The following AFAP1L2 variants were observed in gnomAD, a reference collection of about 807,000 sequenced individuals.
The protein encoded by AFAP1L2 is actin filament-associated protein 1-like 2.
Under a neutral mutation model 99.3 loss-of-function variants are expected in AFAP1L2, and 46 were observed. That is an observed-to-expected ratio of 0.46 (90% CI 0.37 to 0.59). The LOEUF is 0.59. AFAP1L2 is among the 20% of genes least tolerant of loss of function. AFAP1L2 has a pLI of 0.00. For missense variants in AFAP1L2, 959 were observed against 1,034.9 expected (o/e 0.93, Z 1.01); for synonymous variants, 397 against 419.1 (o/e 0.95, Z 0.64).
intron 4 of AFAP1L2, among the ~76,000 whole-genome samples, chr10:114,326,240 T>C (rs550243618): frequency 3.3e-5 from 5 of 152,056 alleles, no homozygotes; most frequent in Non-Finnish European, 7.4e-5. Context: ...GTGTGCAAAA[T>C]GTATCAAGCC....
intron 1 of AFAP1L2, among the ~76,000 whole-genome samples, chr10:114,387,498 C>T (rs2056649800): frequency 2.0e-5 from 3 of 152,190 alleles, no homozygotes; most frequent in South Asian, 4.1e-4. Flanking sequence ...GCACATACAG[C>T]CCAATGCCTT....
At chr10:114,378,732 C>T (rs2055149148) in intron 1 of AFAP1L2, among the ~76,000 whole-genome samples, 1 of 152,178 alleles carries the variant, frequency 6.6e-6, no homozygotes, top group Non-Finnish European at 1.5e-5. Context: ...CCCCATCTTC[C>T]AGCTCCTCAA....
At chr10:114,376,259 G>A (rs2054783702) in intron 1 of AFAP1L2, among the ~76,000 whole-genome samples, 1 of 152,098 alleles carries the variant, frequency 6.6e-6, no homozygotes, top group Admixed American at 6.5e-5. Context: ...CAATATATAT[G>A]GAGCATTAAC....
intron 2 of AFAP1L2, among the ~76,000 whole-genome samples, chr10:114,336,205 T>G (rs10885553): frequency 0.69 from 104,809 of 151,460 alleles, 38,810 homozygotes; most frequent in East Asian, 0.92. Flanking sequence ...TCCAGGTTGG[T>G]AAGTAAGAAG....
At chr10:114,359,618 T>A (rs1484035127) in intron 1 of AFAP1L2, among the ~76,000 whole-genome samples, 2 of 152,218 alleles carry the variant, frequency 1.3e-5, no homozygotes, top group East Asian at 3.8e-4. Flanking sequence ...TGGCAAATAA[T>A]GTTTTAATCA....
intron 2 of AFAP1L2, among the ~76,000 whole-genome samples, chr10:114,335,352 T>C (rs1355548748): frequency 6.6e-5 from 10 of 152,014 alleles, no homozygotes; most frequent in South Asian, 2.1e-4. Context: ...GTGGCTCACA[T>C]CTGTAATCCC....
intron 1 of AFAP1L2, among the ~76,000 whole-genome samples, chr10:114,356,535 T>A (rs57941361): frequency 0.095 from 14,506 of 152,336 alleles, 1,793 homozygotes; most frequent in African/African-American, 0.29. Flanking sequence ...AAATGTTAAA[T>A]GTAATTTAAA....
At chr10:114,362,607 C>G (rs61868290) in intron 1 of AFAP1L2, among the ~76,000 whole-genome samples, 19,184 of 152,124 alleles carry the variant, frequency 0.13, 1,453 homozygotes, top group East Asian at 0.25. Flanking sequence ...TTGGACTCTG[C>G]CCTCCGGAAC....
At chr10:114,329,395 T>C (rs904280890) in intron 4 of AFAP1L2, among the ~76,000 whole-genome samples, 3 of 152,100 alleles carry the variant, frequency 2.0e-5, no homozygotes, top group Admixed American at 6.5e-5. Flanking sequence ...TAAAACACAA[T>C]TTCTAGAACA....
the AFAP1L2 span, chr10:114,286,037 G>T: frequency 1.2e-6 from 2 of 1,614,146 alleles, no homozygotes; most frequent in Non-Finnish European, 1.7e-6. Context: ...CAAAGTCTTC[G>T]TGAAGCGGTT....
chr10:114,281,474 C>T, the AFAP1L2 span, among the ~76,000 whole-genome samples: 1 of 152,206 alleles, frequency 6.6e-6, no homozygotes, highest in Non-Finnish European at 1.5e-5. Flanking sequence ...GAACCCATTT[C>T]CCTATCTGGA....
intron 12 of AFAP1L2, chr10:114,302,042 TAGG>T (rs2041286672): frequency 2.7e-6 from 1 of 370,602 alleles, no homozygotes; most frequent in Non-Finnish European, 5.0e-6. Flanking sequence ...GAAGGACAAG[TAGG>T]AGGTCAGGAA....
chr10:114,300,816 G>C (rs1047483369), intron 13 of AFAP1L2, 126 bp from the exon 14 acceptor site: 2 of 1,321,842 alleles, frequency 1.5e-6, no homozygotes, highest in Non-Finnish European at 2.1e-6. Flanking sequence ...CTCCCTCCCT[G>C]CTGGGGGGGC....
At chr10:114,288,309 T>A in the AFAP1L2 span, among the ~76,000 whole-genome samples, 1 of 152,218 alleles carries the variant, frequency 6.6e-6, no homozygotes, top group African/African-American at 2.4e-5. Flanking sequence ...GCTGCCGACA[T>A]CATTTGTAAT....
intron 1 of AFAP1L2, among the ~76,000 whole-genome samples, chr10:114,381,294 C>T (rs2055586263): frequency 6.6e-6 from 1 of 152,098 alleles, no homozygotes; most frequent in Admixed American, 6.5e-5. Context: ...GTCTACATAG[C>T]ATATGATTCC....
Position 114,297,512 on chromosome 10 carries a change from G to GA in AFAP1L2, c.2114-100dup, listed in dbSNP as rs1204195691. ...AGGGTCTACATACCCCGCCACCCGA[G>GA]AAGGACCACAGGTCTGGCCCCAACA... On this transcript the variant is annotated intron_variant, in intron 16 of 18. Coordinates refer to ENST00000304129, the MANE Select transcript of AFAP1L2 (RefSeq NM_001001936.3). 8 of 1,288,784 alleles carry GA rather than the reference G, an allele frequency of 6.2e-6. No homozygotes were observed. In the African/African-American group the frequency reaches 1.0e-4, roughly 17 times the overall value. The allele number at this position is 1,288,784 out of a possible 1,614,324, so 79.8% of individuals were successfully genotyped here.
At chr10:114,335,643 C>G (rs927213875) in intron 2 of AFAP1L2, among the ~76,000 whole-genome samples, 10 of 151,452 alleles carry the variant, frequency 6.6e-5, no homozygotes, top group Non-Finnish European at 1.2e-4. Flanking sequence ...ACTTAAATGT[C>G]TACCAATAGG....
intron 10 of AFAP1L2, 80 bp from the exon 11 acceptor site, chr10:114,305,010 AG>A: frequency 6.4e-6 from 1 of 156,060 alleles, no homozygotes. Flanking sequence ...GGGCTTCGGG[AG>A]GGCACACAGA....
chr10:114,403,956 C>A (rs1822597916), intron 1 of AFAP1L2, among the ~76,000 whole-genome samples: 1 of 152,180 alleles, frequency 6.6e-6, no homozygotes, highest in African/African-American at 2.4e-5. Flanking sequence ...GGAGGGTCTG[C>A]GCGCCCACTC....
Sources: gnomAD v4.1 joint callset for allele counts (sites outside exome capture counted in the v4.1 genomes callset) on GRCh38, gnomAD v4.1.1 for gene constraint, MANE v1.5 for transcripts, NCBI Gene and HGNC (gene_info 2026-07-23, HGNC 2026-07-21) for gene names.